RNF11: variants seen among roughly 807,000 people sequenced by gnomAD.
RNF11 encodes ring finger protein 11.
A neutral mutation model predicts 15.8 loss-of-function variants in RNF11; 4 were observed. The ratio of observed to expected loss-of-function variants is 0.25; its 90% CI spans 0.12 to 0.58. RNF11 has a LOEUF of 0.58. Ranked by LOEUF, RNF11 falls within the 20% of genes least tolerant of loss-of-function variation. The pLI, the probability that RNF11 is intolerant of heterozygous loss-of-function variation, is 0.91. For synonymous variants in RNF11, 68 were observed against 72.3 expected, an observed-to-expected ratio of 0.94 and a Z score of 0.30; for missense variants, 139 against 194.4, an observed-to-expected ratio of 0.71 and a Z score of 1.70.
intron 1 of RNF11, among the ~76,000 whole-genome samples, chr1:51,262,938 A>G (rs1194377091): frequency 2.6e-5 from 4 of 152,124 alleles, no homozygotes; most frequent in Non-Finnish European, 2.9e-5. Flanking sequence ...GAGATATCAC[A>G]TCTTATCCAC....
chr1:51,256,661 T>TTTGTTG (rs112315189), intron 1 of RNF11, among the ~76,000 whole-genome samples: 1 of 151,968 alleles, frequency 6.6e-6, no homozygotes, highest in African/African-American at 2.4e-5. Context: ...GCATACCATT[T>TTTGTTG]TTGTTGTTGT....
At chr1:51,267,307 TA>T (rs1282114321) in intron 1 of RNF11, among the ~76,000 whole-genome samples, 2 of 152,222 alleles carry the variant, frequency 1.3e-5, no homozygotes, top group Non-Finnish European at 2.9e-5. Flanking sequence ...TTTGCAAATA[TA>T]AAGTGGGAGC....
intron 1 of RNF11, among the ~76,000 whole-genome samples, chr1:51,252,805 TTGTGTGTGTGTGTGTGTG>T: frequency 6.9e-6 from 1 of 144,028 alleles, no homozygotes; most frequent in East Asian, 2.1e-4. Context: ...TTTGTCCAGT[TTGTGTGTGTGTGTGTGTG>T]TGTGTGTGTG....
intron 1 of RNF11, among the ~76,000 whole-genome samples, chr1:51,255,301 C>T (rs1349218182): frequency 6.6e-6 from 1 of 152,120 alleles, no homozygotes; most frequent in Non-Finnish European, 1.5e-5. Flanking sequence ...CACACTGTTG[C>T]CCATGCTTGA....
chr1:51,252,836 T>TGTGTGTGTGTGTG (rs1646886118), intron 1 of RNF11, among the ~76,000 whole-genome samples: 4 of 151,416 alleles, frequency 2.6e-5, no homozygotes, highest in Non-Finnish European at 2.9e-5. Context: ...TGTGTGTGTG[T>TGTGTGTGTGTGTG]TTGGGGGGGA....
At chr1:51,241,630 A>G (rs967359498) in intron 1 of RNF11, among the ~76,000 whole-genome samples, 2 of 152,226 alleles carry the variant, frequency 1.3e-5, no homozygotes, top group Non-Finnish European at 2.9e-5. Flanking sequence ...TTCTTGAAGT[A>G]TTGGATGCAA....
chr1:51,257,384 A>T (rs948317256), intron 1 of RNF11, among the ~76,000 whole-genome samples: 2 of 152,156 alleles, frequency 1.3e-5, no homozygotes, highest in Admixed American at 1.3e-4. Context: ...AAATTCACAA[A>T]AGTGTGGTGG....
rs1646873909 is a variant in RNF11 at position 51,250,803 on chromosome 1, G to A, written c.123+13924G>A. 5 of 1,419,994 alleles carry A rather than the reference G, an allele frequency of 3.5e-6. No individual in the cohort carries two copies. In the East Asian group the frequency reaches 1.1e-4, roughly 32 times the overall value. 88.0% of individuals were successfully genotyped at this position (1,419,994 alleles called of 1,614,324 possible). A position where few individuals can be genotyped will look rare whatever the true frequency, so the allele number is the denominator to read the frequency against. On this transcript the variant is annotated intron_variant, in intron 1 of 2. Coordinates refer to ENST00000242719, the MANE Select transcript of RNF11 (RefSeq NM_014372.5). ...GCCCAGGGTGGCAGTGCAGCCCCAG[G>A]CTGAGGTGCAGCAGTCATCGATACC...
intron 1 of RNF11, among the ~76,000 whole-genome samples, chr1:51,247,541 C>T (rs986962955): frequency 6.6e-6 from 1 of 152,028 alleles, no homozygotes; most frequent in African/African-American, 2.4e-5. Flanking sequence ...CTGCCTCACC[C>T]TCCTAAAGTG....
Position 51,271,413 on chromosome 1 carries a change from T to A in RNF11, c.*91T>A. On this transcript the variant is annotated 3_prime_UTR_variant, in exon 3 of 3. Transcript: ENST00000242719. The stretch of plus-strand genomic sequence containing the variant: ...GCCCAAAGAGCCAGGGATTAGGAAT[T>A]AAGATCGTGCACAAAAGTTTCCTTA... The A allele has an allele frequency of 1.9e-6, 2 of 1,076,052 alleles. No homozygotes were observed. Among genetic ancestry groups the A allele is most frequent in the Non-Finnish European group, 2.6e-6 (2 of 769,514 alleles). 66.7% of individuals were successfully genotyped at this position (1,076,052 alleles called of 1,614,324 possible).
At chr1:51,246,964 T>C (rs1482919634) in intron 1 of RNF11, among the ~76,000 whole-genome samples, 1 of 142,312 alleles carries the variant, frequency 7.0e-6, no homozygotes, top group Non-Finnish European at 1.5e-5. Flanking sequence ...GGCAGCAGAG[T>C]GAGACCTTAT....
intron 2 of RNF11, 71 bp from the exon 3 acceptor site, chr1:51,271,080 G>A: frequency 4.0e-6 from 5 of 1,239,756 alleles, no homozygotes; most frequent in Non-Finnish European, 5.8e-6. Context: ...GTCTTTAATG[G>A]GATTTAAAGA....
At chr1:51,244,272 T>C (rs1227086687) in intron 1 of RNF11, among the ~76,000 whole-genome samples, 3 of 152,272 alleles carry the variant, frequency 2.0e-5, no homozygotes, top group Non-Finnish European at 2.9e-5. Context: ...TTAGTGTCTA[T>C]TAAGCATTCC....
intron 1 of RNF11, among the ~76,000 whole-genome samples, chr1:51,256,033 AT>A (rs967193225): frequency 3.3e-4 from 50 of 151,890 alleles, no homozygotes; most frequent in African/African-American, 1.1e-3. Context: ...GCTACATTTA[AT>A]TTTTTTTAAT....
intron 2 of RNF11, 94 bp from the exon 3 acceptor site, chr1:51,271,057 T>G (rs1242543322): frequency 1.9e-6 from 2 of 1,038,348 alleles, no homozygotes; most frequent in African/African-American, 3.2e-5. Flanking sequence ...GATGTGTTAC[T>G]CAGATTAACA....
Position 51,236,673 on chromosome 1 carries a change from G to T in RNF11, c.-84G>T. On this transcript the variant is annotated 5_prime_UTR_variant, in exon 1 of 3. Coordinates refer to ENST00000242719, the MANE Select transcript of RNF11 (RefSeq NM_014372.5). ...CCGGCCTGTCGCCCGACCCCACCTC[G>T]CCAACCGAGGCGGACCGCGGAGTGT... 1 of 1,573,296 alleles carries T rather than the reference G, an allele frequency of 6.4e-7. No homozygotes were observed. Among genetic ancestry groups the T allele is most frequent in the Non-Finnish European group, 8.7e-7 (1 of 1,155,246 alleles).
At chr1:51,259,816 C>T (rs1646922154) in intron 1 of RNF11, among the ~76,000 whole-genome samples, 1 of 152,072 alleles carries the variant, frequency 6.6e-6, no homozygotes, top group Non-Finnish European at 1.5e-5. Flanking sequence ...TTTCTGTTGT[C>T]AAAGAGTTAA....
At chr1:51,251,387 A>T in intron 1 of RNF11, 3 of 1,422,976 alleles carry the variant, frequency 2.1e-6, no homozygotes, top group Non-Finnish European at 2.9e-6. Flanking sequence ...CCCGGATGCC[A>T]CTGCCGAAAC....
intron 1 of RNF11, among the ~76,000 whole-genome samples, chr1:51,244,145 T>C (rs1646841851): frequency 6.6e-6 from 1 of 152,248 alleles, no homozygotes; most frequent in Non-Finnish European, 1.5e-5. Context: ...TCTTTTAGAA[T>C]TCAAGTCTGG....
Sources: allele counts gnomAD v4.1 joint callset (sites outside exome capture counted in the v4.1 genomes callset), GRCh38; gene constraint gnomAD v4.1.1; transcripts MANE v1.5; gene names NCBI Gene and HGNC (gene_info 2026-07-23, HGNC 2026-07-21).